ZNF385D: variants seen among roughly 807,000 people sequenced by gnomAD.
ZNF385D encodes the protein zinc finger protein 385D.
In ZNF385D, 15 loss-of-function variants were observed where a neutral mutation model predicts 35.8. The ratio of observed to expected loss-of-function variants is 0.42; its 90% confidence interval spans 0.28 to 0.64. ZNF385D has a LOEUF of 0.64. Among genes scored for constraint, ZNF385D ranks in the 30% least tolerant of loss-of-function variants. The probability of loss-of-function intolerance (pLI) is 0.23; values close to 1 mark genes in which losing one functional copy is unlikely to be tolerated. For synonymous variants in ZNF385D, 212 were observed against 186.8 expected (o/e 1.13, Z -1.10); for missense variants, 474 against 494.6 (o/e 0.96, Z 0.39).
chr3:21,603,167 TAATA>T (rs1379784244), intron 2 of ZNF385D, among the ~76,000 whole-genome samples: 1 of 152,208 alleles, frequency 6.6e-6, no homozygotes, highest in Admixed American at 6.5e-5. Flanking sequence ...AGAAGACGCA[TAATA>T]AATGGCCTCT....
intron 2 of ZNF385D, among the ~76,000 whole-genome samples, chr3:22,220,565 T>A (rs1698191893): frequency 6.6e-6 from 1 of 152,210 alleles, no homozygotes; most frequent in Non-Finnish European, 1.5e-5. Context: ...ATTGTCATTG[T>A]CTTTAGTACA....
intron 3 of ZNF385D, among the ~76,000 whole-genome samples, chr3:22,016,206 G>A (rs193171275): frequency 6.6e-6 from 1 of 151,282 alleles, no homozygotes; most frequent in Admixed American, 6.6e-5. Flanking sequence ...CACAATGTCT[G>A]GAGATGTTTT....
At position 22,153,648 on chromosome 3, in the gene ZNF385D, G is replaced by T. The variant is rs973909645; in HGVS notation, c.325+15169C>A. Among the ~76,000 whole-genome samples the T allele has an allele frequency of 2.6e-5, 4 of 151,892 alleles. No individual in the cohort carries two copies. The East Asian group carries it at 7.7e-4, about 29-fold the overall frequency. On this transcript the variant is annotated intron_variant, in intron 3 of 5. Transcript: ENST00000494108. ...CCTGATGATTTTTGTATTTTTAGTAGAGATGGCATTTCACCATGTTGGTCA... is the reference window on the plus strand; with the variant it reads ...CCTGATGATTTTTGTATTTTTAGTATAGATGGCATTTCACCATGTTGGTCA...
chr3:21,859,442 CCA>C (rs754781732), intron 3 of ZNF385D, among the ~76,000 whole-genome samples: 5 of 151,388 alleles, frequency 3.3e-5, no homozygotes, highest in Non-Finnish European at 7.4e-5. Flanking sequence ...AAAGGGAAAA[CCA>C]CACTTGCCCT....
chr3:22,165,979 A>G (rs1362369326), intron 3 of ZNF385D, among the ~76,000 whole-genome samples: 1 of 152,320 alleles, frequency 6.6e-6, no homozygotes, highest in Non-Finnish European at 1.5e-5. Context: ...CAAATTCATC[A>G]TACCCTCTCA....
intron 2 of ZNF385D, among the ~76,000 whole-genome samples, chr3:21,604,313 CAAAT>C (rs2064410058): frequency 6.6e-6 from 1 of 152,108 alleles, no homozygotes; most frequent in Non-Finnish European, 1.5e-5. Context: ...AGCTCAGAAA[CAAAT>C]GAAATTGACT....
At chr3:21,808,955 A>G (rs7644577) in intron 3 of ZNF385D, among the ~76,000 whole-genome samples, 117,692 of 152,128 alleles carry the variant, frequency 0.77, 45,633 homozygotes, top group East Asian at 0.91. Context: ...TCGAAGGGCA[A>G]CCAGGAAGGG....
chr3:21,994,928 C>G (rs1315511360), intron 3 of ZNF385D, among the ~76,000 whole-genome samples: 1 of 152,176 alleles, frequency 6.6e-6, no homozygotes, highest in Non-Finnish European at 1.5e-5. Context: ...CTAGTGGCAA[C>G]AGCAGTGGGC....
At chr3:21,727,950 G>A (rs1168028470) in intron 1 of ZNF385D, among the ~76,000 whole-genome samples, 2 of 152,090 alleles carry the variant, frequency 1.3e-5, no homozygotes, top group Non-Finnish European at 2.9e-5. Context: ...TAAAGAAAAT[G>A]TGGCCATAAA....
chr3:21,481,209 C>T (rs894754187), intron 4 of ZNF385D, among the ~76,000 whole-genome samples: 3 of 152,170 alleles, frequency 2.0e-5, no homozygotes, highest in Non-Finnish European at 4.4e-5. Context: ...TGATCAGAGT[C>T]ACCTCAGTGG....
In ZNF385D at chr3:22,307,048, C is replaced by A. The variant is rs571746527; in HGVS notation, c.106+65402G>T. Reference sequence around the variant, plus strand: ...TAGAGGGGATTTACTCTGAAATTCACATAGAGAAACAACTTTTTTATTCCT... The same window carrying A: ...TAGAGGGGATTTACTCTGAAATTCAAATAGAGAAACAACTTTTTTATTCCT... On this transcript the variant is annotated intron_variant, in intron 2 of 5. Coordinates refer to the ZNF385D transcript ENST00000494108. Among the ~76,000 whole-genome samples the A allele has an allele frequency of 3.7e-3, 559 of 152,186 alleles. 4 individuals are homozygous for A. The highest frequency in any genetic ancestry group is 0.011 in the African/African-American group (475 of 41,514).
At chr3:22,235,095 A>T (rs762389930) in intron 2 of ZNF385D, among the ~76,000 whole-genome samples, 1 of 152,010 alleles carries the variant, frequency 6.6e-6, no homozygotes, top group African/African-American at 2.4e-5. Context: ...ATAATTTCTG[A>T]TAAGTTTATT....
chr3:21,751,412 C>T (rs573717244), upstream of ZNF385D: 1 of 1,010,978 alleles, frequency 9.9e-7, no homozygotes. Context: ...CACACAGGAA[C>T]ACACAGGAGA....
intron 1 of ZNF385D, among the ~76,000 whole-genome samples, chr3:21,673,083 G>C (rs965497632): frequency 6.6e-6 from 1 of 152,052 alleles, no homozygotes; most frequent in African/African-American, 2.4e-5. Context: ...TACTGCTAGT[G>C]ATATAGAATA....
chr3:21,537,124 C>CTTTTTTT (rs35873199), intron 3 of ZNF385D, among the ~76,000 whole-genome samples: 3 of 95,010 alleles, frequency 3.2e-5, no homozygotes, highest in African/African-American at 4.0e-5. Flanking sequence ...AAAATATCAA[C>CTTTTTTT]TTTTTTTTTT....
intron 2 of ZNF385D, among the ~76,000 whole-genome samples, chr3:22,261,790 A>G (rs1559485330): frequency 6.6e-6 from 1 of 151,828 alleles, no homozygotes; most frequent in Non-Finnish European, 1.5e-5. Context: ...TTCAACAGCA[A>G]TAAGGTCTCT....
At chr3:21,828,972 A>G (rs963252731) in intron 3 of ZNF385D, among the ~76,000 whole-genome samples, 5 of 152,118 alleles carry the variant, frequency 3.3e-5, no homozygotes, top group African/African-American at 9.7e-5. Flanking sequence ...CCCTCTTACA[A>G]GGACCCTTAA....
chr3:22,115,037 A>T (rs528352336), intron 3 of ZNF385D, among the ~76,000 whole-genome samples: 3 of 152,070 alleles, frequency 2.0e-5, no homozygotes, highest in Non-Finnish European at 4.4e-5. Context: ...TAAATTAGCC[A>T]GTTTCAAGTA....
intron 2 of ZNF385D, among the ~76,000 whole-genome samples, chr3:22,192,087 A>T (rs1696081660): frequency 6.6e-6 from 1 of 152,082 alleles, no homozygotes; most frequent in South Asian, 2.1e-4. Flanking sequence ...TGATTCTTTC[A>T]ACGATAGTGC....
Sources: gnomAD v4.1 joint callset for allele counts (sites outside exome capture counted in the v4.1 genomes callset) on GRCh38, gnomAD v4.1.1 for gene constraint, MANE v1.5 for transcripts, NCBI Gene and HGNC (gene_info 2026-07-23, HGNC 2026-07-21) for gene names.